FAM13A: variants seen among roughly 807,000 people sequenced by gnomAD.
FAM13A encodes protein FAM13A.
In FAM13A, 76 loss-of-function variants were observed where a neutral mutation model predicts 129.6. The ratio of observed to expected loss-of-function variants is 0.59; its 90% CI spans 0.49 to 0.71. The LOEUF is 0.71. Among genes scored for constraint, FAM13A ranks in the 30% least tolerant of loss-of-function variants. The pLI is 0.00. For missense variants in FAM13A, 1,108 were observed against 1,249.3 expected, an observed-to-expected ratio of 0.89 and a Z score of 1.70; for synonymous variants, 443 against 449.9, an observed-to-expected ratio of 0.98 and a Z score of 0.20.
intron 11 of FAM13A, among the ~76,000 whole-genome samples, chr4:88,779,340 G>C (rs1355942705): frequency 2.6e-5 from 4 of 152,226 alleles, no homozygotes; most frequent in Non-Finnish European, 5.9e-5. Context: ...AGAATTAGAA[G>C]GTTAAAAATA....
chr4:88,811,925 A>G (rs1034373854), intron 7 of FAM13A, among the ~76,000 whole-genome samples: 1 of 152,194 alleles, frequency 6.6e-6, no homozygotes, highest in Non-Finnish European at 1.5e-5. Context: ...TGATTACTTA[A>G]TAAGGGCTCT....
chr4:89,022,548 A>G (rs1560838743), intron 2 of FAM13A, among the ~76,000 whole-genome samples: 2 of 152,208 alleles, frequency 1.3e-5, no homozygotes, highest in Non-Finnish European at 2.9e-5. Flanking sequence ...AAGAGATACC[A>G]GTTGGTCTGT....
At chr4:88,988,761 C>T (rs536971409) in intron 4 of FAM13A, among the ~76,000 whole-genome samples, 92 of 152,036 alleles carry the variant, frequency 6.1e-4, no homozygotes, top group African/African-American at 2.2e-3. Flanking sequence ...AAAAATGGAT[C>T]ATTTGAGAAG....
At chr4:88,971,287 T>C (rs1196070778) in intron 4 of FAM13A, among the ~76,000 whole-genome samples, 1 of 152,198 alleles carries the variant, frequency 6.6e-6, no homozygotes, top group African/African-American at 2.4e-5. Context: ...CTACCTTGTA[T>C]TAGGGCTTAG....
intron 6 of FAM13A, among the ~76,000 whole-genome samples, chr4:88,891,152 G>A (rs1265209246): frequency 6.6e-6 from 1 of 152,210 alleles, no homozygotes; most frequent in East Asian, 1.9e-4. Context: ...GCCAGGCACG[G>A]CAGCTCATGC....
intron 11 of FAM13A, among the ~76,000 whole-genome samples, chr4:88,771,072 G>GT (rs1253780265): frequency 1.3e-5 from 2 of 151,296 alleles, no homozygotes; most frequent in African/African-American, 4.8e-5. Context: ...GGTACACAGT[G>GT]TTCCTTTCCT....
chr4:88,747,076 T>G, intron 18 of FAM13A, 61 bp from the exon 19 acceptor site: 1 of 1,145,530 alleles, frequency 8.7e-7, no homozygotes, highest in Non-Finnish European at 1.3e-6. Flanking sequence ...CATTCCAACT[T>G]CTTTACTTAA....
rs143097532 is a variant in FAM13A, at chr4:88,957,297, C to T, written c.606-19056G>A. Among the ~76,000 whole-genome samples the T allele has an allele frequency of 8.4e-3, 1,278 of 152,016 alleles. 12 individuals carry two copies. Among genetic ancestry groups the T allele is most frequent in the African/African-American group, 0.03 (1,230 of 41,478 alleles). On this transcript the variant is annotated intron_variant, in intron 4 of 23. Coordinates refer to ENST00000264344, the MANE Select transcript of FAM13A (RefSeq NM_014883.4). ...GCTGAGGAGATTGCACCACTGCACT[C>T]CAGCCTGCATGACAGAGCGAGACTC...
intron 11 of FAM13A, among the ~76,000 whole-genome samples, chr4:88,773,543 C>T (rs948346594): frequency 2.0e-5 from 3 of 152,156 alleles, no homozygotes; most frequent in Non-Finnish European, 2.9e-5. Flanking sequence ...CACTGGAGAT[C>T]GGCAGCAGCT....
intron 11 of FAM13A, among the ~76,000 whole-genome samples, chr4:88,779,709 G>A (rs1389204446): frequency 6.6e-6 from 1 of 152,148 alleles, no homozygotes; most frequent in African/African-American, 2.4e-5. Flanking sequence ...GTGTTTTTCA[G>A]CACAGACTAT....
rs1367778947 is a variant in FAM13A at position 88,737,634 on chromosome 4, A to G, written c.2563-79T>C. On this transcript the variant is annotated intron_variant, in intron 20 of 23. Coordinates refer to ENST00000264344, the MANE Select transcript of FAM13A (RefSeq NM_014883.4). ...CCAGCTCTCGGCCTCCTCTGACCTCACCAGTATTTATTAACTTTTAACTCT... is the reference window on the plus strand; with the variant it reads ...CCAGCTCTCGGCCTCCTCTGACCTCGCCAGTATTTATTAACTTTTAACTCT... 4 of 1,076,602 alleles carry G rather than the reference A, an allele frequency of 3.7e-6. No homozygotes were observed. In the Admixed American group the frequency reaches 5.4e-5, roughly 15 times the overall value. 66.7% of individuals were successfully genotyped at this position (1,076,602 alleles called of 1,614,324 possible). A position where few individuals can be genotyped will look rare whatever the true frequency, so the allele number is the denominator to read the frequency against.
chr4:88,734,214 ACAAC>A (rs1738491706), intron 21 of FAM13A, among the ~76,000 whole-genome samples: 1 of 152,198 alleles, frequency 6.6e-6, no homozygotes, highest in African/African-American at 2.4e-5. Context: ...ATTTCAATAA[ACAAC>A]CAGGTAAGCA....
Position 88,896,890 on chromosome 4 carries a change from C to A in FAM13A, c.843+9489G>T, listed in dbSNP as rs1246986739. 2.0e-5 allele frequency among the ~76,000 whole-genome samples: 3 copies of A among 152,044 alleles called. No individual in the cohort carries two copies. The South Asian group carries it at 6.2e-4, about 32-fold the overall frequency. On this transcript the variant is annotated intron_variant, in intron 6 of 23. Coordinates refer to ENST00000264344, the MANE Select transcript of FAM13A (RefSeq NM_014883.4). ...AAATAGATCATTGTTTATTTTATACCTTCATACTAGCACTGAATAAATCTG... is the reference window on the plus strand; with the variant it reads ...AAATAGATCATTGTTTATTTTATACATTCATACTAGCACTGAATAAATCTG...
chr4:88,875,783 A>G (rs1012153762), intron 6 of FAM13A, among the ~76,000 whole-genome samples: 2 of 152,224 alleles, frequency 1.3e-5, no homozygotes, highest in Non-Finnish European at 2.9e-5. Flanking sequence ...CCGTGATCTC[A>G]TTATTGGATA....
At chr4:88,865,870 G>GTCTC (rs1410096390) in intron 6 of FAM13A, among the ~76,000 whole-genome samples, 10 of 98,578 alleles carry the variant, frequency 1.0e-4, no homozygotes, top group South Asian at 4.5e-4. Context: ...TTTTTCCTTT[G>GTCTC]TCTCTCTCTT....
intron 7 of FAM13A, among the ~76,000 whole-genome samples, chr4:88,847,354 G>A (rs578157710): frequency 5.3e-5 from 8 of 152,232 alleles, no homozygotes; most frequent in Admixed American, 4.6e-4. Flanking sequence ...TTGCACCACT[G>A]CACTCTAGCC....
At chr4:88,924,399 A>G (rs1751721648) in intron 5 of FAM13A, among the ~76,000 whole-genome samples, 1 of 152,260 alleles carries the variant, frequency 6.6e-6, no homozygotes, top group Non-Finnish European at 1.5e-5. Context: ...AAATAACGCC[A>G]CATATCTACA....
rs6837072 is a variant in FAM13A at position 88,803,504 on chromosome 4, C to T, written c.1049+1507G>A. Reference sequence around the variant, plus strand: ...CGTTGGCATGAACCAGTGCTAAAGTCTCCTATACTATGTAAAACTAAATTT... The same window carrying T: ...CGTTGGCATGAACCAGTGCTAAAGTTTCCTATACTATGTAAAACTAAATTT... On this transcript the variant is annotated intron_variant, in intron 8 of 23. Transcript: ENST00000264344. Among the ~76,000 whole-genome samples, 615 of 152,152 alleles carry T rather than the reference C, an allele frequency of 4.0e-3. 3 individuals are homozygous for T. The highest frequency in any genetic ancestry group is 0.014 in the African/African-American group (594 of 41,506).
intron 6 of FAM13A, among the ~76,000 whole-genome samples, chr4:88,853,011 G>A (rs1737879144): frequency 6.6e-6 from 1 of 152,128 alleles, no homozygotes; most frequent in Admixed American, 6.5e-5. Flanking sequence ...TTAGGATAGA[G>A]CAAAGTGAAC....
Sources: allele counts gnomAD v4.1 joint callset (sites outside exome capture counted in the v4.1 genomes callset), GRCh38; gene constraint gnomAD v4.1.1; transcripts MANE v1.5; gene names NCBI Gene and HGNC (gene_info 2026-07-23, HGNC 2026-07-21).